RALGAPA2: variants seen among roughly 807,000 people sequenced by gnomAD.
RALGAPA2 encodes Ral GTPase activating protein catalytic subunit alpha 2, also known as ral GTPase-activating protein subunit alpha-2.
In RALGAPA2, 139 loss-of-function variants were observed where a neutral mutation model predicts 230.4. The observed-to-expected ratio is 0.60, with a 90% CI of 0.53 to 0.69. The LOEUF is 0.69. Among genes scored for constraint, RALGAPA2 ranks in the 30% least tolerant of loss-of-function variants. The pLI, the probability that RALGAPA2 is intolerant of heterozygous loss-of-function variation, is 0.00. For synonymous variants in RALGAPA2, 847 were observed against 837.8 expected, an observed-to-expected ratio of 1.01 and a Z score of -0.19; for missense variants, 2,163 against 2,276.0, an observed-to-expected ratio of 0.95 and a Z score of 1.01.
chr20:20,469,834 A>G (rs2061499892), intron 37 of RALGAPA2, among the ~76,000 whole-genome samples: 5 of 152,194 alleles, frequency 3.3e-5, no homozygotes. Flanking sequence ...AGGCACAGGA[A>G]TAGGCTCTTT....
At chr20:20,556,893 A>G (rs955270136) in intron 23 of RALGAPA2, among the ~76,000 whole-genome samples, 1 of 152,162 alleles carries the variant, frequency 6.6e-6, no homozygotes, top group African/African-American at 2.4e-5. Flanking sequence ...GAGGTGCCCA[A>G]CTGCTTGTCT....
chr20:20,445,821 G>A (rs1261836336), intron 37 of RALGAPA2, among the ~76,000 whole-genome samples: 2 of 152,196 alleles, frequency 1.3e-5, no homozygotes, highest in South Asian at 2.1e-4. Context: ...AAGAAAAACT[G>A]GCAAAATCCA....
In RALGAPA2 at chr20:20,637,283, A is replaced by T. The variant is rs909698370; in HGVS notation, c.805+80T>A. 5.1e-6 allele frequency: 6 copies of T among 1,186,446 alleles called. No individual in the cohort carries two copies. The African/African-American group carries it at 9.4e-5, about 19-fold the overall frequency. The allele number at this position is 1,186,446 out of a possible 1,614,324, so 73.5% of individuals were successfully genotyped here. On this transcript the variant is annotated intron_variant, in intron 8 of 39. Coordinates refer to ENST00000202677, the MANE Select transcript of RALGAPA2 (RefSeq NM_020343.4). Reference sequence around the variant, plus strand: ...AAAATAAAATGACTATTTTACTTTAAAATAATCAAAGGTCACTTTGAAAGA... The same window carrying T: ...AAAATAAAATGACTATTTTACTTTATAATAATCAAAGGTCACTTTGAAAGA...
intron 23 of RALGAPA2, among the ~76,000 whole-genome samples, chr20:20,554,877 T>C (rs1418841704): frequency 2.0e-5 from 3 of 152,234 alleles, no homozygotes; most frequent in Admixed American, 6.5e-5. Flanking sequence ...TTGTGAGTTG[T>C]ATTTTCACTT....
intron 39 of RALGAPA2, among the ~76,000 whole-genome samples, chr20:20,394,734 T>C (rs2059671805): frequency 6.6e-6 from 1 of 152,018 alleles, no homozygotes; most frequent in African/African-American, 2.4e-5. Context: ...GCTAGATTGT[T>C]ACAAGGCATC....
At chr20:20,572,769 T>C (rs1490678745) in intron 21 of RALGAPA2, 106 bp downstream of exon 21, 3 of 959,498 alleles carry the variant, frequency 3.1e-6, no homozygotes, top group East Asian at 2.8e-5. Flanking sequence ...AAATGTACCA[T>C]TTGTGTTTCG....
chr20:20,523,964 T>C lies in RALGAPA2; in HGVS notation c.3900+442A>G, dbSNP rs541742657. 1.8e-3 allele frequency among the ~76,000 whole-genome samples: 274 copies of C among 152,180 alleles called. 1 individual carries two copies. Among genetic ancestry groups the C allele is most frequent in the African/African-American group, 6.4e-3 (267 of 41,448 alleles). ...TGCTTTCAGTCCTTAAGTTATTTAC[T>C]TTTTTGGGGGGGGATGGAGTCTCGC... On this transcript the variant is annotated intron_variant, in intron 30 of 39. Transcript: ENST00000202677.
intron 27 of RALGAPA2, 87 bp downstream of exon 27, chr20:20,531,600 T>A: frequency 1.8e-6 from 2 of 1,127,890 alleles, no homozygotes; most frequent in Non-Finnish European, 2.6e-6. Flanking sequence ...ATTTGGGGGA[T>A]AAAAAAGATG....
chr20:20,570,478 C>T (rs1476368665), intron 23 of RALGAPA2, among the ~76,000 whole-genome samples: 1 of 152,102 alleles, frequency 6.6e-6, no homozygotes, highest in Non-Finnish European at 1.5e-5. Flanking sequence ...GATTCAAGTT[C>T]ATTAATAAGT....
chr20:20,600,960 C>T (rs1055025895), intron 16 of RALGAPA2, among the ~76,000 whole-genome samples: 5 of 152,030 alleles, frequency 3.3e-5, no homozygotes, highest in Non-Finnish European at 5.9e-5. Flanking sequence ...ATTAGCCGGG[C>T]GTCGTGGCAC....
intron 24 of RALGAPA2, among the ~76,000 whole-genome samples, chr20:20,542,744 T>C (rs1467041675): frequency 6.6e-6 from 1 of 152,092 alleles, no homozygotes; most frequent in African/African-American, 2.4e-5. Context: ...CTTTACACCT[T>C]ATACAAAAAT....
intron 1 of RALGAPA2, among the ~76,000 whole-genome samples, chr20:20,709,923 T>C (rs1198272441): frequency 6.6e-6 from 1 of 152,172 alleles, no homozygotes; most frequent in Non-Finnish European, 1.5e-5. Flanking sequence ...TCCTATCCTA[T>C]TAATGGTGGG....
intron 1 of RALGAPA2, among the ~76,000 whole-genome samples, chr20:20,685,522 C>T (rs1052441864): frequency 1.3e-5 from 2 of 152,190 alleles, no homozygotes; most frequent in African/African-American, 4.8e-5. Flanking sequence ...TCAGGATCTC[C>T]AGTGACCTGC....
chr20:20,490,966 G>A (rs759992418), intron 36 of RALGAPA2, among the ~76,000 whole-genome samples: 1 of 151,746 alleles, frequency 6.6e-6, no homozygotes, highest in Non-Finnish European at 1.5e-5. Flanking sequence ...GACGCTCTGG[G>A]GATAGTCAGG....
intron 1 of RALGAPA2, among the ~76,000 whole-genome samples, chr20:20,688,031 G>A (rs2068767995): frequency 6.6e-6 from 1 of 152,212 alleles, no homozygotes; most frequent in Non-Finnish European, 1.5e-5. Flanking sequence ...ATCTACATCA[G>A]GAGGCAAAAA....
At chr20:20,698,563 T>C (rs2069217353) in intron 1 of RALGAPA2, among the ~76,000 whole-genome samples, 1 of 152,178 alleles carries the variant, frequency 6.6e-6, no homozygotes, top group Non-Finnish European at 1.5e-5. Flanking sequence ...CTTATTTTTG[T>C]ATTTTTAGTA....
At chr20:20,685,505 C>T (rs1417576516) in intron 1 of RALGAPA2, among the ~76,000 whole-genome samples, 2 of 152,150 alleles carry the variant, frequency 1.3e-5, no homozygotes, top group Non-Finnish European at 2.9e-5. Flanking sequence ...AGAAAGAAAC[C>T]TCAGGGTCAG....
At chr20:20,429,547 A>T (rs1264383129) in intron 37 of RALGAPA2, among the ~76,000 whole-genome samples, 1 of 152,258 alleles carries the variant, frequency 6.6e-6, no homozygotes, top group Non-Finnish European at 1.5e-5. Flanking sequence ...TCCTTCATGC[A>T]GCAAGATTTG....
At chr20:20,492,120 C>T (rs923398119) in intron 36 of RALGAPA2, among the ~76,000 whole-genome samples, 1 of 152,134 alleles carries the variant, frequency 6.6e-6, no homozygotes, top group Non-Finnish European at 1.5e-5. Context: ...TTATTACATA[C>T]GCTATTAATG....
Sources: allele counts gnomAD v4.1 joint callset (sites outside exome capture counted in the v4.1 genomes callset), GRCh38; gene constraint gnomAD v4.1.1; transcripts MANE v1.5; gene names NCBI Gene and HGNC (gene_info 2026-07-23, HGNC 2026-07-21).